DRP2: variants seen among roughly 807,000 people sequenced by gnomAD.
DRP2 encodes dystrophin-related protein 2.
DRP2 carries 29 observed loss-of-function variants against 78.2 expected under a neutral mutation model. The observed-to-expected ratio is 0.37, with a 90% confidence interval of 0.28 to 0.51. The LOEUF (loss-of-function observed/expected upper bound fraction) is 0.51, where lower values mean the gene tolerates loss of function less well. Among genes scored for constraint, DRP2 ranks in the 20% least tolerant of loss-of-function variants. DRP2 has a pLI of 0.94. For missense variants in DRP2, 686 were observed against 770.6 expected (o/e 0.89, Z 1.30); for synonymous variants, 290 against 281.9 (o/e 1.03, Z -0.29).
intron 6 of DRP2, among the ~76,000 whole-genome samples, chrX:101,239,768 G>A (rs375231116): frequency 5.4e-5 from 6 of 111,878 alleles, no homozygotes; most frequent in African/African-American, 1.6e-4. Context: ...TAATAGAGAC[G>A]GGGTTTCACT....
chrX:101,258,699 G>T (rs1341234953), intron 22 of DRP2, among the ~76,000 whole-genome samples, 153 bp downstream of exon 22: 1 of 109,695 alleles, frequency 9.1e-6, no homozygotes, highest in Non-Finnish European at 1.9e-5. Context: ...TGCGGTTGGT[G>T]GGGGGGCGGG....
chrX:101,239,454 T>C (rs138152018), intron 6 of DRP2, among the ~76,000 whole-genome samples: 1,425 of 112,165 alleles, frequency 0.013, 13 homozygotes, highest in Middle Eastern at 0.092. Context: ...TTTAAAAACA[T>C]AGTGCTGGCT....
At chrX:101,240,478 G>A (rs1017624215) in intron 6 of DRP2, among the ~76,000 whole-genome samples, 3 of 112,386 alleles carry the variant, frequency 2.7e-5, no homozygotes, top group African/African-American at 6.5e-5. Flanking sequence ...TCAAGTGATC[G>A]GCCTGCTTGG....
chrX:101,252,689 C>T lies in DRP2; in HGVS notation c.1950C>T (p.His650=). ...GGGCCAGCAAAGGCAATAAGCTGCA[C>T]TACCCCATCATGGAGTATTACACAC... ...TGRASKGNKL[H]YPIMEYYTPT... Residue 650 remains histidine (H), a synonymous_variant, in exon 17 of 24, where the codon CAC becomes CAT. Transcript: ENST00000395209. The T allele has an allele frequency of 8.3e-7, 1 of 1,211,714 alleles. No individual in the cohort carries two copies. The highest frequency in any genetic ancestry group is 1.7e-5 in the African/African-American group (1 of 57,896).
At chrX:101,245,909 G>A (rs1478397020) in intron 11 of DRP2, among the ~76,000 whole-genome samples, 1 of 111,927 alleles carries the variant, frequency 8.9e-6, no homozygotes, top group Non-Finnish European at 1.9e-5. Context: ...TAGATCTTAT[G>A]TTAAGTGTTC....
At chrX:101,257,462 C>G (rs1233975825) in intron 21 of DRP2, among the ~76,000 whole-genome samples, 2 of 102,283 alleles carry the variant, frequency 2.0e-5, no homozygotes, top group Admixed American at 1.1e-4. Context: ...AGAGAGTAAG[C>G]TTTTAGAAAC....
intron 3 of DRP2, among the ~76,000 whole-genome samples, chrX:101,232,361 G>A (rs557799822): frequency 3.6e-5 from 4 of 111,204 alleles, no homozygotes; most frequent in South Asian, 3.9e-4. Flanking sequence ...CCCCTTTCCC[G>A]ACAATGAGGG....
Position 101,252,728 on chromosome X carries a change from C to T in DRP2, c.1977+12C>T, listed in dbSNP as rs1923182298. 8.4e-7 allele frequency: 1 copy of T among 1,189,366 alleles called. No homozygotes were observed. Among genetic ancestry groups the T allele is most frequent in the Non-Finnish European group, 1.1e-6 (1 of 876,524 alleles). On this transcript the variant is annotated intron_variant, in intron 17 of 23. Coordinates refer to ENST00000395209, the MANE Select transcript of DRP2 (RefSeq NM_001939.3). The stretch of plus-strand genomic sequence containing the variant: ...AGTATTACACACCGGTATGAAGCCT[C>T]CAGGCTGGGTGGGAGGGTTAGGCAG...
intron 2 of DRP2, among the ~76,000 whole-genome samples, chrX:101,228,155 C>A (rs1034382620): frequency 1.8e-5 from 2 of 111,975 alleles, no homozygotes; most frequent in African/African-American, 6.5e-5. Context: ...TTTTCTAGGG[C>A]AATTTAGACA....
At position 101,225,525 on chromosome X, in the gene DRP2, A is replaced by G. The variant is rs751963956; in HGVS notation, c.-64+819A>G. Among the ~76,000 whole-genome samples, 21 of 111,737 alleles carry G rather than the reference A, an allele frequency of 1.9e-4. No individual in the cohort carries two copies. In the East Asian group the frequency reaches 4.8e-3, roughly 25 times the overall value. On this transcript the variant is annotated intron_variant, in intron 2 of 23. Transcript: ENST00000395209. ...TCCACACAATGAGGATAGCAATAGT[A>G]ACTACTTTATAGGGTTGTTGTAAGG...
intron 20 of DRP2, among the ~76,000 whole-genome samples, chrX:101,255,589 A>C (rs376952164): frequency 4.5e-5 from 5 of 111,501 alleles, no homozygotes; most frequent in African/African-American, 1.6e-4. Flanking sequence ...TCTTGTGCTC[A>C]AGATGCCAAA....
In DRP2 at chrX:101,248,557, A is replaced by C; in HGVS notation, c.1498A>C (p.Ile500Leu). The C allele has an allele frequency of 8.2e-7, 1 of 1,212,169 alleles. No homozygotes were observed. The highest frequency in any genetic ancestry group is 1.1e-6 in the Non-Finnish European group (1 of 895,563). The change falls in exon 14 of 24, where the codon ATT (isoleucine) becomes CTT (leucine). Residue 500 changes from isoleucine to leucine, a missense_variant. Physicochemically the swap from Ile to Leu is conservative, Grantham distance 5. This residue lies in a region of DRP2 where 423 missense variants were observed against 531.5 expected (regional missense o/e 0.80). Coordinates refer to ENST00000395209, the MANE Select transcript of DRP2 (RefSeq NM_001939.3). ...KMRALSFKTG[I>L]ACLCGTEVKE... ...GCGGGCATTGTCTTTTAAGACTGGC[A>C]TTGCATGCTTGTGTGGCACGGAAGT...
At chrX:101,221,562 A>G (rs1921895866) in intron 1 of DRP2, among the ~76,000 whole-genome samples, 1 of 112,628 alleles carries the variant, frequency 8.9e-6, no homozygotes, top group Non-Finnish European at 1.9e-5. Flanking sequence ...ATGAAGGCAC[A>G]TGGAAAGAAC....
In DRP2 at chrX:101,250,443, A is replaced by G; in HGVS notation, c.1561A>G (p.Asn521Asp). 1 of 1,211,749 alleles carries G rather than the reference A, an allele frequency of 8.3e-7. No individual in the cohort carries two copies. The highest frequency in any genetic ancestry group is 1.1e-6 in the Non-Finnish European group (1 of 895,514). Residue 521 changes from asparagine to aspartate, a missense_variant, in exon 15 of 24, where the codon AAC (asparagine) becomes GAC (aspartate). Around this residue, in one of 2 missense-constraint regions of DRP2, gnomAD observed 423 missense variants for 531.5 expected, o/e 0.80. Coordinates refer to ENST00000395209, the MANE Select transcript of DRP2 (RefSeq NM_001939.3). ...AGCAGACCTCTTCAGCCAAGTGGCC[A>G]ACTCAGGCAGCCAGTGTGACCAGCG... ...KLQYLFSQVA[N>D]SGSQCDQRHL...
chrX:101,247,369 A>G (rs750632536), intron 12 of DRP2, among the ~76,000 whole-genome samples: 5 of 111,452 alleles, frequency 4.5e-5, no homozygotes, highest in African/African-American at 1.6e-4. Flanking sequence ...CGTGTTTCCA[A>G]ATTAACCCCA....
In DRP2 at chrX:101,254,894, C is replaced by A; in HGVS notation, c.2150C>A (p.Thr717Lys). The change falls in exon 19 of 24, where the codon ACA becomes AAA. Residue 717 changes from threonine (T) to lysine (K), a missense_variant. This residue lies in a region of DRP2 where 423 missense variants were observed against 531.5 expected (regional missense o/e 0.80). Transcript: ENST00000395209. Reference sequence around the variant, plus strand: ...TCCCCGATGTGGCCACACGCCGACACACACTCCCGAATTGAGCATTTTGCC... The same window carrying A: ...TCCCCGATGTGGCCACACGCCGACAAACACTCCCGAATTGAGCATTTTGCC... Reference protein sequence around the residue: ...ASSPMWPHADTHSRIEHFASR... With the variant: ...ASSPMWPHADKHSRIEHFASR... 1 of 1,211,957 alleles carries A rather than the reference C, an allele frequency of 8.3e-7. No individual in the cohort carries two copies. Among genetic ancestry groups the A allele is most frequent in the Admixed American group, 2.2e-5 (1 of 46,062 alleles).
At chrX:101,233,420 C>G (rs1405628553) in intron 3 of DRP2, among the ~76,000 whole-genome samples, 1 of 111,561 alleles carries the variant, frequency 9.0e-6, no homozygotes, top group Non-Finnish European at 1.9e-5. Flanking sequence ...CCCCAGCCAC[C>G]CTGGGTGGCT....
intron 1 of DRP2, among the ~76,000 whole-genome samples, chrX:101,223,223 A>C (rs1921956392): frequency 9.0e-6 from 1 of 111,055 alleles, no homozygotes; most frequent in Non-Finnish European, 1.9e-5. Flanking sequence ...CTGATCTCAA[A>C]CTCCTGGCCT....
chrX:101,237,068 C>G (rs1323006227), intron 4 of DRP2, among the ~76,000 whole-genome samples: 1 of 111,564 alleles, frequency 9.0e-6, no homozygotes, highest in African/African-American at 3.3e-5. Flanking sequence ...AGACCTCTAG[C>G]CAATGTTCCT....
Sources: allele counts gnomAD v4.1 joint callset (sites outside exome capture counted in the v4.1 genomes callset), GRCh38; gene constraint gnomAD v4.1.1; regional missense constraint gnomAD v4.1.1; transcripts MANE v1.5; gene names NCBI Gene and HGNC (gene_info 2026-07-23, HGNC 2026-07-21).